The following UCN2 variants were observed in gnomAD, a reference collection of about 807,000 sequenced individuals.
The protein encoded by UCN2 is urocortin-2.
UCN2 carries 3 observed loss-of-function variants against 1.6 expected under a neutral mutation model. The ratio of observed to expected loss-of-function variants is 1.88; its 90% CI spans 0.85 to 4.85. UCN2 has a LOEUF of 4.85. Ranked by LOEUF, UCN2 falls within the 30% of genes most tolerant of loss-of-function variation. The pLI, the probability that UCN2 is intolerant of heterozygous loss-of-function variation, is 0.02. For synonymous variants in UCN2, 64 were observed against 66.0 expected, an observed-to-expected ratio of 0.97 and a Z score of 0.15; for missense variants, 127 against 150.8, an observed-to-expected ratio of 0.84 and a Z score of 0.83.
chr3:48,563,271 C>G lies in UCN2; in HGVS notation c.-12-135G>C, dbSNP rs959117214. On this transcript the variant is annotated intron_variant, in intron 1 of 1. Transcript: ENST00000273610. The surrounding 1 kb of genome is among the most constrained non-coding windows in gnomAD (Gnocchi z 4.5). ...ACACCGAGAAAGGGGTTAGAGAGGC[C>G]AGGCCAGGCCAGAGACAGAGAAGGG... 1.9e-5 allele frequency: 13 copies of G among 694,548 alleles called. No individual in the cohort carries two copies. Among genetic ancestry groups the G allele is most frequent in the South Asian group, 3.9e-5 (2 of 50,946 alleles). 43.0% of individuals were successfully genotyped at this position (694,548 alleles called of 1,614,324 possible).
chr3:48,562,964 C>T lies in UCN2; in HGVS notation c.161G>A (p.Trp54Ter). The T allele has an allele frequency of 6.2e-7, 1 of 1,606,270 alleles. No individual in the cohort carries two copies. The highest frequency in any genetic ancestry group is 8.5e-7 in the Non-Finnish European group (1 of 1,176,744). ...GCAGTGGCTCTGGGCAGCCCACGGC[C>T]ATGTGGGAGCAGCTGAGGGGCTCTC... The part of the protein sequence containing the change: ...ASESPSAAPT[W>*]PWAAQSHCSP... Residue 54 changes from tryptophan (W) to a stop codon, truncating the protein, a stop_gained, in exon 2 of 2, where the codon TGG becomes TAG. Coordinates refer to ENST00000273610, the MANE Select transcript of UCN2 (RefSeq NM_033199.4). LOFTEE classifies it low-confidence loss of function (END_TRUNC). This position sits in a 1 kb window ranked among gnomAD's most constrained non-coding sequence, Gnocchi z 4.3.
Position 48,562,974 on chromosome 3 carries a change from C to A in UCN2, c.151G>T (p.Ala51Ser), listed in dbSNP as rs1490816690. The part of the protein sequence containing the change: ...RPAASESPSA[A>S]PTWPWAAQSH... ...TGGGCAGCCCACGGCCATGTGGGAG[C>A]AGCTGAGGGGCTCTCTGAGGCCGCA... The change falls in exon 2 of 2, where the codon GCT (alanine) becomes TCT (serine). Residue 51 changes from alanine (A) to serine (S), a missense_variant. Ala to Ser is a moderately conservative substitution (Grantham distance 99). Transcript: ENST00000273610. The surrounding 1 kb of genome is among the most constrained non-coding windows in gnomAD (Gnocchi z 4.3). 1.9e-6 allele frequency: 3 copies of A among 1,606,692 alleles called. No individual in the cohort carries two copies. Among genetic ancestry groups the A allele is most frequent in the Non-Finnish European group, 2.5e-6 (3 of 1,177,066 alleles).
rs1296349737 is a variant in UCN2 at position 48,562,777 on chromosome 3, C to T, written c.*9G>A. The T allele has an allele frequency of 6.5e-7, 1 of 1,538,454 alleles. No individual in the cohort carries two copies. ...GGTGGCCCTATCACTGTGACCCCCT[C>T]TCTCAGGCTCAGCAGTGGCCGACAC... is the stretch of plus-strand genomic sequence containing the variant. On this transcript the variant is annotated 3_prime_UTR_variant, in exon 2 of 2. Transcript: ENST00000273610. The surrounding 1 kb of genome is among the most constrained non-coding windows in gnomAD (Gnocchi z 4.3).
In UCN2 at chr3:48,562,819, G is replaced by T. The variant is rs199600581; in HGVS notation, c.306C>A (p.Asn102Lys). ...ARAAREQATT[N>K]ARILARVGHC ...GGCCGACACGGGCCAGGATGCGGGC[G>T]TTGGTGGTGGCCTGCTCCCTGGCAG... Residue 102 changes from asparagine to lysine, a missense_variant, in exon 2 of 2, where the codon AAC becomes AAA. By Grantham distance (94) the Asn-to-Lys change is moderately conservative. Around this residue, in one of 2 missense-constraint regions of UCN2, gnomAD observed 122 missense variants for 131.5 expected, o/e 0.93. Coordinates refer to ENST00000273610, the MANE Select transcript of UCN2 (RefSeq NM_033199.4). The surrounding 1 kb of genome is among the most constrained non-coding windows in gnomAD (Gnocchi z 4.3). 2.0e-4 allele frequency: 313 copies of T among 1,570,316 alleles called. No individual in the cohort carries two copies. The highest frequency in any genetic ancestry group is 4.1e-5 in the Non-Finnish European group (47 of 1,158,774).
Position 48,562,837 on chromosome 3 carries a change from C to T in UCN2, c.288G>A (p.Arg96=). ...TGCGGGCGTTGGTGGTGGCCTGCTCCCTGGCAGCCCTGGCCCGGGCTTGCT... is the reference window on the plus strand; with the variant it reads ...TGCGGGCGTTGGTGGTGGCCTGCTCTCTGGCAGCCCTGGCCCGGGCTTGCT... ...LLEQARARAA[R]EQATTNARIL... The change falls in exon 2 of 2, where the codon AGG becomes AGA. Residue 96 remains arginine, a synonymous_variant. Transcript: ENST00000273610. The surrounding 1 kb of genome is among the most constrained non-coding windows in gnomAD (Gnocchi z 4.3). 1 of 1,580,770 alleles carries T rather than the reference C, an allele frequency of 6.3e-7. No homozygotes were observed. The highest frequency in any genetic ancestry group is 1.7e-4 in the Middle Eastern group (1 of 6,030).
At position 48,562,730 on chromosome 3, in the gene UCN2, C is replaced by CCCT; in HGVS notation, c.*53_*55dup. The stretch of plus-strand genomic sequence containing the variant: ...CAGCATCCGTCCAGCTGTGTGGCTG[C>CCCT]CCTCCAGGTCTTCCCATCCAGGGTG... On this transcript the variant is annotated 3_prime_UTR_variant, in exon 2 of 2. Transcript: ENST00000273610. This position sits in a 1 kb window ranked among gnomAD's most constrained non-coding sequence, Gnocchi z 4.3. 1 of 1,457,938 alleles carries CCCT rather than the reference C, an allele frequency of 6.9e-7. No individual in the cohort carries two copies. The highest frequency in any genetic ancestry group is 2.3e-5 in the Admixed American group (1 of 43,718). 90.3% of individuals were successfully genotyped at this position (1,457,938 alleles called of 1,614,324 possible).
chr3:48,563,118 TGGTCATCGTGA>T lies in UCN2; in HGVS notation c.-5_6del, dbSNP rs1488238678. ...ACCATCAGCAACAGCAGAGCACACC[TGGTCATCGTGA>T]GGTCAGGCTGCAAGGAGAAAATGGG... On this transcript the variant is annotated start_lost and 5_prime_UTR_variant, in exon 2 of 2. Transcript: ENST00000273610. This position sits in a 1 kb window ranked among gnomAD's most constrained non-coding sequence, Gnocchi z 4.5. 6.2e-7 allele frequency: 1 copy of T among 1,608,404 alleles called. No homozygotes were observed. Among genetic ancestry groups the T allele is most frequent in the East Asian group, 2.2e-5 (1 of 44,614 alleles).
Position 48,562,853 on chromosome 3 carries a change from C to G in UCN2, c.272G>C (p.Arg91Pro). ...GLLQILLEQA[R>P]ARAAREQATT... is the part of the protein sequence containing the mutation. ...GGCCTGCTCCCTGGCAGCCCTGGCC[C>G]GGGCTTGCTCCAGTAAGATCTGCAA... Residue 91 changes from arginine to proline, a missense_variant, in exon 2 of 2, where the codon CGG becomes CCG. Physicochemically the swap from Arg to Pro is moderately radical, Grantham distance 103. Coordinates refer to ENST00000273610, the MANE Select transcript of UCN2 (RefSeq NM_033199.4). This position sits in a 1 kb window ranked among gnomAD's most constrained non-coding sequence, Gnocchi z 4.3. The G allele has an allele frequency of 1.9e-6, 3 of 1,588,700 alleles. No homozygotes were observed. Among genetic ancestry groups the G allele is most frequent in the South Asian group, 1.1e-5 (1 of 87,398 alleles).
chr3:48,563,246 A>G lies in UCN2; in HGVS notation c.-12-110T>C, dbSNP rs2043467221. The G allele has an allele frequency of 3.1e-6, 3 of 967,782 alleles. No homozygotes were observed. The highest frequency in any genetic ancestry group is 4.5e-6 in the Non-Finnish European group (3 of 664,900). The allele number at this position is 967,782 out of a possible 1,614,324, so 59.9% of individuals were successfully genotyped here. A position where few individuals can be genotyped will look rare whatever the true frequency, so the allele number is the denominator to read the frequency against. ...GAGCGGGGGATGGAGAGAGAGGAAG[A>G]CACCGAGAAAGGGGTTAGAGAGGCC... On this transcript the variant is annotated intron_variant, in intron 1 of 1. Transcript: ENST00000273610. The surrounding 1 kb of genome is among the most constrained non-coding windows in gnomAD (Gnocchi z 4.5).
rs1436821385 is a variant in UCN2 at position 48,563,182 on chromosome 3, G to A, written c.-12-46C>T. On this transcript the variant is annotated intron_variant, in intron 1 of 1. Transcript: ENST00000273610. This position sits in a 1 kb window ranked among gnomAD's most constrained non-coding sequence, Gnocchi z 4.5. Reference sequence around the variant, plus strand: ...CAGGGCAGGGGCTCTGGTCAACTGGGGTCCATGGACAGAGACAGATGGCAA... The same window carrying A: ...CAGGGCAGGGGCTCTGGTCAACTGGAGTCCATGGACAGAGACAGATGGCAA... 3.3e-6 allele frequency: 5 copies of A among 1,521,746 alleles called. No homozygotes were observed. Among genetic ancestry groups the A allele is most frequent in the Middle Eastern group, 1.7e-4 (1 of 5,900 alleles). 94.3% of individuals were successfully genotyped at this position (1,521,746 alleles called of 1,614,324 possible).
chr3:48,562,649 CCAGA>C lies in UCN2; in HGVS notation c.*133_*136del. The stretch of plus-strand genomic sequence containing the variant: ...TGACAGTGGCTCCATGTGGCAGTGT[CCAGA>C]CACTGTATGCCCAGATGTGGCAGCG... On this transcript the variant is annotated 3_prime_UTR_variant, in exon 2 of 2. Transcript: ENST00000273610. The surrounding 1 kb of genome is among the most constrained non-coding windows in gnomAD (Gnocchi z 4.3). 4.7e-6 allele frequency: 4 copies of C among 843,996 alleles called. No individual in the cohort carries two copies. The South Asian group carries it at 7.2e-5, about 15-fold the overall frequency. The allele number at this position is 843,996 out of a possible 1,614,324, so 52.3% of individuals were successfully genotyped here.
rs754381784 is a variant in UCN2 at position 48,562,815 on chromosome 3, G to A, written c.310C>T (p.Arg104Cys). 50 of 1,566,114 alleles carry A rather than the reference G, an allele frequency of 3.2e-5. No individual in the cohort carries two copies. Among genetic ancestry groups the A allele is most frequent in the African/African-American group, 2.8e-4 (21 of 74,020 alleles). ...AAREQATTNA[R>C]ILARVGHC ...CAGTGGCCGACACGGGCCAGGATGC[G>A]GGCGTTGGTGGTGGCCTGCTCCCTG... Residue 104 changes from arginine (R) to cysteine (C), a missense_variant, in exon 2 of 2, where the codon CGC (arginine) becomes TGC (cysteine). By Grantham distance (180) the Arg-to-Cys change is radical (BLOSUM62 -3). Transcript: ENST00000273610. This position sits in a 1 kb window ranked among gnomAD's most constrained non-coding sequence, Gnocchi z 4.3.
Position 48,563,131 on chromosome 3 carries a change from G to C in UCN2, c.-7C>G. ...GCAGAGCACACCTGGTCATCGTGAGGTCAGGCTGCAAGGAGAAAATGGGCT... is the reference window on the plus strand; with the variant it reads ...GCAGAGCACACCTGGTCATCGTGAGCTCAGGCTGCAAGGAGAAAATGGGCT... On this transcript the variant is annotated 5_prime_UTR_variant, in exon 2 of 2. Coordinates refer to ENST00000273610, the MANE Select transcript of UCN2 (RefSeq NM_033199.4). This position sits in a 1 kb window ranked among gnomAD's most constrained non-coding sequence, Gnocchi z 4.5. 1.2e-6 allele frequency: 2 copies of C among 1,605,616 alleles called. No individual in the cohort carries two copies. Among genetic ancestry groups the C allele is most frequent in the Non-Finnish European group, 1.7e-6 (2 of 1,176,824 alleles).
chr3:48,562,953 C>A lies in UCN2; in HGVS notation c.172G>T (p.Ala58Ser), dbSNP rs755135781. ...CGGGTGGGGCTGCAGTGGCTCTGGG[C>A]AGCCCACGGCCATGTGGGAGCAGCT... Reference protein sequence around the residue: ...PSAAPTWPWAAQSHCSPTRHP... With the variant: ...PSAAPTWPWASQSHCSPTRHP... The change falls in exon 2 of 2, where the codon GCC becomes TCC. Residue 58 changes from alanine (A) to serine (S), a missense_variant. By Grantham distance (99) the Ala-to-Ser change is moderately conservative. Coordinates refer to ENST00000273610, the MANE Select transcript of UCN2 (RefSeq NM_033199.4). The surrounding 1 kb of genome is among the most constrained non-coding windows in gnomAD (Gnocchi z 4.3). The A allele has an allele frequency of 2.5e-6, 4 of 1,604,422 alleles. No homozygotes were observed. Among genetic ancestry groups the A allele is most frequent in the Non-Finnish European group, 3.4e-6 (4 of 1,175,708 alleles).
In UCN2 at chr3:48,562,094, C is replaced by T. The variant is rs2043440356; in HGVS notation, c.*692G>A. On this transcript the variant is annotated 3_prime_UTR_variant, in exon 2 of 2. Transcript: ENST00000273610. The surrounding 1 kb of genome is among the most constrained non-coding windows in gnomAD (Gnocchi z 4.3). ...CACGTACCCTTACCCTGCTCACACA[C>T]ACTCACAGCTGTCAGAGACTCAGCC... 2.6e-5 allele frequency: 4 copies of T among 152,452 alleles called. No individual in the cohort carries two copies. Among genetic ancestry groups the T allele is most frequent in the Admixed American group, 2.6e-4 (4 of 15,292 alleles). The allele number at this position is 152,452 out of a possible 1,614,324, so 9.4% of individuals were successfully genotyped here. A position where few individuals can be genotyped will look rare whatever the true frequency, so the allele number is the denominator to read the frequency against.
In UCN2 at chr3:48,563,059, CA is replaced by C. The variant is rs1303431250; in HGVS notation, c.65del (p.Val22GlyfsTer200). On this transcript the variant is annotated frameshift_variant, in exon 2 of 2. Coordinates refer to ENST00000273610, the MANE Select transcript of UCN2 (RefSeq NM_033199.4). LOFTEE classifies it low-confidence loss of function (END_TRUNC). This position sits in a 1 kb window ranked among gnomAD's most constrained non-coding sequence, Gnocchi z 4.5. ...LMLGRVLVVP[V>X]TPIPTFQLRP... is the part of the protein sequence containing the mutation. Reference sequence around the variant, plus strand: ...GGAGCTGGAAGGTTGGGATAGGGGTCACTGGGACAACCAGGACTCTGCCCAA... The same window carrying C: ...GGAGCTGGAAGGTTGGGATAGGGGTCCTGGGACAACCAGGACTCTGCCCAA... 4 of 1,612,114 alleles carry C rather than the reference CA, an allele frequency of 2.5e-6. 1 individual carries two copies. In the Admixed American group the frequency reaches 6.7e-5, roughly 27 times the overall value.
rs989210127 is a variant in UCN2, at chr3:48,562,727, CTGCCCT to C, written c.*53_*58del. The stretch of plus-strand genomic sequence containing the variant: ...TGGCAGCATCCGTCCAGCTGTGTGG[CTGCCCT>C]CCAGGTCTTCCCATCCAGGGTGGCC... On this transcript the variant is annotated 3_prime_UTR_variant, in exon 2 of 2. Coordinates refer to ENST00000273610, the MANE Select transcript of UCN2 (RefSeq NM_033199.4). The surrounding 1 kb of genome is among the most constrained non-coding windows in gnomAD (Gnocchi z 4.3). 2.3e-5 allele frequency: 34 copies of C among 1,449,924 alleles called. No individual in the cohort carries two copies. The highest frequency in any genetic ancestry group is 2.8e-5 in the Non-Finnish European group (31 of 1,091,796). The allele number at this position is 1,449,924 out of a possible 1,614,324, so 89.8% of individuals were successfully genotyped here.
Position 48,562,091 on chromosome 3 carries a change from A to T in UCN2, c.*695T>A, listed in dbSNP as rs916329026. ...CCTCACGTACCCTTACCCTGCTCAC[A>T]CACACTCACAGCTGTCAGAGACTCA... On this transcript the variant is annotated 3_prime_UTR_variant, in exon 2 of 2. Coordinates refer to ENST00000273610, the MANE Select transcript of UCN2 (RefSeq NM_033199.4). The surrounding 1 kb of genome is among the most constrained non-coding windows in gnomAD (Gnocchi z 4.3). 1 of 152,400 alleles carries T rather than the reference A, an allele frequency of 6.6e-6. No homozygotes were observed. The highest frequency in any genetic ancestry group is 1.5e-5 in the Non-Finnish European group (1 of 68,194). The allele number at this position is 152,400 out of a possible 1,614,324, so 9.4% of individuals were successfully genotyped here. A position where few individuals can be genotyped will look rare whatever the true frequency, so the allele number is the denominator to read the frequency against.
Position 48,562,569 on chromosome 3 carries a change from G to A in UCN2, c.*217C>T. ...CCAACTTAGCAATGTCCAATGTCCA[G>A]GCTGTCCAGACACACTGTGACTCTG... On this transcript the variant is annotated 3_prime_UTR_variant, in exon 2 of 2. Transcript: ENST00000273610. This position sits in a 1 kb window ranked among gnomAD's most constrained non-coding sequence, Gnocchi z 4.3. 1.7e-6 allele frequency: 1 copy of A among 576,474 alleles called. No individual in the cohort carries two copies. Among genetic ancestry groups the A allele is most frequent in the Middle Eastern group, 4.6e-4 (1 of 2,182 alleles). The allele number at this position is 576,474 out of a possible 1,614,324, so 35.7% of individuals were successfully genotyped here.
Sources: allele counts gnomAD v4.1 joint callset, GRCh38; gene constraint gnomAD v4.1.1; regional missense constraint gnomAD v4.1.1; non-coding constraint Gnocchi (gnomAD v3.1); transcripts MANE v1.5; gene names NCBI Gene and HGNC (gene_info 2026-07-23, HGNC 2026-07-21).